Variants in PCDHA11 observed in about 807,000 individuals in gnomAD.
The protein encoded by PCDHA11 is protocadherin alpha-11.
PCDHA11 carries 61 observed loss-of-function variants against 70.3 expected under a neutral mutation model. That is an observed-to-expected ratio of 0.87 (90% CI 0.71 to 1.07). The LOEUF (loss-of-function observed/expected upper bound fraction) is 1.07, where lower values mean the gene tolerates loss of function less well. PCDHA11 is among the 50% of genes least tolerant of loss of function. PCDHA11 has a pLI of 0.00. For synonymous variants in PCDHA11, 633 were observed against 555.1 expected (o/e 1.14, Z -1.97); for missense variants, 1,324 against 1,237.5 (o/e 1.07, Z -1.05).
At chr5:140,995,851 G>A (rs2097700458) in intron 3 of PCDHA11, among the ~76,000 whole-genome samples, 4 of 152,250 alleles carry the variant, frequency 2.6e-5, no homozygotes, top group South Asian at 2.1e-4. Flanking sequence ...CATTTCTATC[G>A]TATCACTTAA....
rs2098421094 is a variant in PCDHA11 at position 141,011,574 on chromosome 5, TAAATC to T, written c.*1640_*1644del. ...GAAAGACACAGTAAAATTTCTTTCT[TAAATC>T]AAGATACTGGTGATTCAAGGAATTT... On this transcript the variant is annotated 3_prime_UTR_variant, in exon 4 of 4. Transcript: ENST00000398640. 1.3e-5 allele frequency: 2 copies of T among 153,802 alleles called. No individual in the cohort carries two copies. 9.5% of individuals were successfully genotyped at this position (153,802 alleles called of 1,614,324 possible).
intron 1 of PCDHA11, among the ~76,000 whole-genome samples, chr5:140,976,067 T>C (rs1554237245): frequency 6.6e-6 from 1 of 152,218 alleles, no homozygotes; most frequent in Non-Finnish European, 1.5e-5. Flanking sequence ...ATATATGTCT[T>C]ACTGTGTCAG....
At chr5:140,928,123 T>C in intron 1 of PCDHA11, 1 of 1,614,200 alleles carries the variant, frequency 6.2e-7, no homozygotes, top group Non-Finnish European at 8.5e-7. Context: ...GATCAGTGAA[T>C]ACCAAGTCCT....
chr5:140,921,406 C>T (rs1436249655), intron 1 of PCDHA11, among the ~76,000 whole-genome samples: 8 of 152,092 alleles, frequency 5.3e-5, no homozygotes, highest in African/African-American at 1.9e-4. Flanking sequence ...CTAGATTTTC[C>T]TCTGTGCTGC....
At chr5:140,999,444 C>A (rs782553983) in intron 3 of PCDHA11, among the ~76,000 whole-genome samples, 25 of 152,210 alleles carry the variant, frequency 1.6e-4, no homozygotes, top group Non-Finnish European at 3.1e-4. Flanking sequence ...GCCTCTTATT[C>A]GTTCAACGAA....
chr5:140,900,233 GT>G (rs1261263702), intron 1 of PCDHA11, among the ~76,000 whole-genome samples: 15 of 151,946 alleles, frequency 9.9e-5, no homozygotes, highest in African/African-American at 2.7e-4. Context: ...ACTGGATCTT[GT>G]TTTTTTTATG....
chr5:140,967,278 G>A (rs2096121968), intron 1 of PCDHA11: 1 of 1,613,290 alleles, frequency 6.2e-7, no homozygotes. Flanking sequence ...CACATAGAGA[G>A]TGCGCAGGAC....
chr5:140,969,023 C>T lies in PCDHA11; in HGVS notation c.2392-9926C>T. ...CTTCTGTGGAGTAAGGGAAAGGTCC[C>T]CTGCAGAACTGTACAAACAAGCCAA... is the stretch of plus-strand genomic sequence containing the variant. On this transcript the variant is annotated intron_variant, in intron 1 of 3. Coordinates refer to ENST00000398640, the MANE Select transcript of PCDHA11 (RefSeq NM_018902.5). The T allele has an allele frequency of 3.1e-6, 5 of 1,614,124 alleles. No homozygotes were observed. In the Admixed American group the frequency reaches 5.0e-5, roughly 16 times the overall value.
At chr5:140,910,074 G>T (rs2074869064) in intron 1 of PCDHA11, among the ~76,000 whole-genome samples, 1 of 152,162 alleles carries the variant, frequency 6.6e-6, no homozygotes, top group South Asian at 2.1e-4. Context: ...AGCGTAAATT[G>T]TTGTCAAGGG....
At chr5:140,910,641 C>T (rs1270893523) in intron 1 of PCDHA11, among the ~76,000 whole-genome samples, 1 of 152,206 alleles carries the variant, frequency 6.6e-6, no homozygotes, top group Non-Finnish European at 1.5e-5. Flanking sequence ...CTCCCTAAAC[C>T]TTTTGATCCC....
intron 1 of PCDHA11, among the ~76,000 whole-genome samples, chr5:140,933,279 C>T (rs992723234): frequency 6.6e-6 from 1 of 151,840 alleles, no homozygotes; most frequent in African/African-American, 2.4e-5. Flanking sequence ...TCATTTGGAA[C>T]TTGTTTTGGA....
At chr5:140,923,134 G>C (rs962370475) in intron 1 of PCDHA11, among the ~76,000 whole-genome samples, 2 of 152,106 alleles carry the variant, frequency 1.3e-5, no homozygotes, top group Non-Finnish European at 1.5e-5. Flanking sequence ...CACTTTGAAG[G>C]TGGAATATAA....
At chr5:140,891,963 A>C (rs1202145353) in intron 1 of PCDHA11, among the ~76,000 whole-genome samples, 1 of 152,214 alleles carries the variant, frequency 6.6e-6, no homozygotes, top group African/African-American at 2.4e-5. Flanking sequence ...TGTGAGAAGT[A>C]AATTTCCGTT....
At chr5:140,900,422 C>G (rs1422913254) in intron 1 of PCDHA11, among the ~76,000 whole-genome samples, 1 of 152,142 alleles carries the variant, frequency 6.6e-6, no homozygotes, top group East Asian at 1.9e-4. Context: ...GGATTATAGG[C>G]ACGTGCCACC....
intron 3 of PCDHA11, among the ~76,000 whole-genome samples, chr5:140,996,311 G>T (rs191577867): frequency 2.6e-5 from 4 of 152,184 alleles, no homozygotes; most frequent in African/African-American, 7.2e-5. Context: ...ACAAAGTAAG[G>T]GGGGAGGGTA....
At chr5:140,931,508 A>G (rs1214894603) in intron 1 of PCDHA11, among the ~76,000 whole-genome samples, 8 of 152,078 alleles carry the variant, frequency 5.3e-5, no homozygotes, top group Non-Finnish European at 1.0e-4. Flanking sequence ...TTAAACATAT[A>G]TGAATGATTA....
At chr5:140,999,620 G>A (rs184259991) in intron 3 of PCDHA11, among the ~76,000 whole-genome samples, 6 of 152,262 alleles carry the variant, frequency 3.9e-5, no homozygotes, top group African/African-American at 1.2e-4. Flanking sequence ...TATCAACCAG[G>A]AAACAAGGTA....
chr5:140,896,735 T>C (rs930657295), intron 1 of PCDHA11, among the ~76,000 whole-genome samples: 8 of 152,166 alleles, frequency 5.3e-5, no homozygotes, highest in Non-Finnish European at 4.4e-5. Context: ...TTTAAGTTCC[T>C]TATAGATTCT....
At chr5:140,876,360 T>C in intron 1 of PCDHA11, 1 of 1,613,962 alleles carries the variant, frequency 6.2e-7, no homozygotes, top group Non-Finnish European at 8.5e-7. Context: ...TTTCAATAAA[T>C]CCAGACACAG....
Sources: gnomAD v4.1 joint callset for allele counts (sites outside exome capture counted in the v4.1 genomes callset) on GRCh38, gnomAD v4.1.1 for gene constraint, MANE v1.5 for transcripts, NCBI Gene and HGNC (gene_info 2026-07-23, HGNC 2026-07-21) for gene names.